The following STK32C variants were observed in gnomAD, a reference collection of about 807,000 sequenced individuals.
The protein encoded by STK32C is serine/threonine kinase 32C, also known as serine/threonine-protein kinase 32C.
STK32C carries 31 observed loss-of-function variants against 56.5 expected under a neutral mutation model. The ratio of observed to expected loss-of-function variants is 0.55; its 90% CI spans 0.41 to 0.74. The LOEUF (loss-of-function observed/expected upper bound fraction) is 0.74, where lower values mean the gene tolerates loss of function less well. Ranked by LOEUF, STK32C falls within the 30% of genes least tolerant of loss-of-function variation. STK32C has a pLI of 0.00. For synonymous variants in STK32C, 309 were observed against 289.4 expected (o/e 1.07, Z -0.69); for missense variants, 544 against 676.9 (o/e 0.80, Z 2.18).
chr10:132,211,996 C>T (rs1434155995), intron 10 of STK32C, among the ~76,000 whole-genome samples: 3 of 152,218 alleles, frequency 2.0e-5, no homozygotes, highest in Admixed American at 6.5e-5. Context: ...GACACAGCCT[C>T]GGACCCCAGA....
At chr10:132,294,344 C>G (rs1337452159) in intron 1 of STK32C, among the ~76,000 whole-genome samples, 1 of 152,138 alleles carries the variant, frequency 6.6e-6, no homozygotes, top group African/African-American at 2.4e-5. Context: ...AGCACAGCCA[C>G]AGGGAGGGGC....
At position 132,255,710 on chromosome 10, in the gene STK32C, G is replaced by C. The variant is rs2138026378; in HGVS notation, c.263-9755C>G. On this transcript the variant is annotated intron_variant, in intron 1 of 11. Coordinates refer to ENST00000298630, the MANE Select transcript of STK32C (RefSeq NM_173575.4). This position sits in a 1 kb window ranked among gnomAD's most constrained non-coding sequence, Gnocchi z 4.6. Reference sequence around the variant, plus strand: ...TGTGTTGAAACCCCAGGGCAGGAAGGTCAGAGATCAGGAGAGGGGATGAGG... The same window carrying C: ...TGTGTTGAAACCCCAGGGCAGGAAGCTCAGAGATCAGGAGAGGGGATGAGG... Among the ~76,000 whole-genome samples the C allele has an allele frequency of 6.6e-6, 1 of 152,304 alleles. No individual in the cohort carries two copies. The highest frequency in any genetic ancestry group is 1.9e-4 in the East Asian group (1 of 5,182).
chr10:132,208,141 T>A lies in STK32C; in HGVS notation c.1330A>T (p.Ser444Cys), dbSNP rs761647668. 32 of 1,310,304 alleles carry A rather than the reference T, an allele frequency of 2.4e-5. No individual in the cohort carries two copies. The highest frequency in any genetic ancestry group is 3.1e-5 in the Non-Finnish European group (32 of 1,021,208). The allele number at this position is 1,310,304 out of a possible 1,614,324, so 81.2% of individuals were successfully genotyped here. Residue 444 changes from serine (S) to cysteine (C), a missense_variant, in exon 12 of 12, where the codon AGC (serine) becomes TGC (cysteine). By Grantham distance (112) the Ser-to-Cys change is moderately radical. Around this residue, in one of 3 missense-constraint regions of STK32C, gnomAD observed 277 missense variants for 309.3 expected, o/e 0.90. Transcript: ENST00000298630. ...VIFNREKLKR[S>C]QDLPREPLPA... ...AGAGGCTCCCTCGGGAGGTCCTGGCTCCTCTTCAGCCTGGGGTGGCAGGAA... is the reference window on the plus strand; with the variant it reads ...AGAGGCTCCCTCGGGAGGTCCTGGCACCTCTTCAGCCTGGGGTGGCAGGAA...
intron 1 of STK32C, among the ~76,000 whole-genome samples, chr10:132,315,843 C>A (rs916127025): frequency 1.3e-5 from 2 of 152,112 alleles, no homozygotes; most frequent in African/African-American, 4.8e-5. Context: ...CAATAAATCT[C>A]AAAGGATTGA....
At chr10:132,331,838 G>T, upstream of STK32C, 1 of 1,495,500 alleles carries the variant, frequency 6.7e-7, no homozygotes, top group South Asian at 1.2e-5. Flanking sequence ...CCGCGGGCGC[G>T]GAAAAACGGA....
At chr10:132,245,999 G>T (rs1174858064) in intron 1 of STK32C, 44 bp from the exon 2 acceptor site, 1 of 1,589,968 alleles carries the variant, frequency 6.3e-7, no homozygotes, top group Admixed American at 1.7e-5. Context: ...TGGCAGCAAG[G>T]CCCCACCCCA....
intron 1 of STK32C, among the ~76,000 whole-genome samples, chr10:132,328,590 T>C (rs1303758181): frequency 6.6e-6 from 1 of 152,256 alleles, no homozygotes; most frequent in East Asian, 1.9e-4. Flanking sequence ...TTACCCATTT[T>C]GTTTCAGAGT....
At chr10:132,278,757 CAAAAAA>C (rs60685458) in intron 1 of STK32C, among the ~76,000 whole-genome samples, 6 of 90,408 alleles carry the variant, frequency 6.6e-5, no homozygotes, top group Non-Finnish European at 8.7e-5. Context: ...GAGACTGTCT[CAAAAAA>C]AAAAAAAAAA....
chr10:132,208,676 T>A (rs1219539360), intron 11 of STK32C, among the ~76,000 whole-genome samples: 1 of 152,012 alleles, frequency 6.6e-6, no homozygotes, highest in Non-Finnish European at 1.5e-5. Flanking sequence ...GCCCTTTCTG[T>A]CCCCTGGGGC....
Position 132,290,257 on chromosome 10 carries a change from C to T in STK32C, c.262+17315G>A, listed in dbSNP as rs149089299. ...CACAGCTTTGTGCAACACTCATGGTCAAAACGCCCAACCTCCATGTGCCCA... is the reference window on the plus strand; with the variant it reads ...CACAGCTTTGTGCAACACTCATGGTTAAAACGCCCAACCTCCATGTGCCCA... On this transcript the variant is annotated intron_variant, in intron 1 of 11. Coordinates refer to ENST00000298630, the MANE Select transcript of STK32C (RefSeq NM_173575.4). Among the ~76,000 whole-genome samples the T allele has an allele frequency of 4.6e-3, 708 of 152,314 alleles. 8 individuals carry two copies. The highest frequency in any genetic ancestry group is 0.016 in the African/African-American group (676 of 41,546).
intron 3 of STK32C, among the ~76,000 whole-genome samples, chr10:132,227,439 G>T (rs1227613973): frequency 6.6e-6 from 1 of 152,122 alleles, no homozygotes; most frequent in African/African-American, 2.4e-5. Flanking sequence ...GGTGGTGACG[G>T]TGATGGTGAG....
Position 132,307,891 on chromosome 10 carries a change from C to T in STK32C, c.-58G>A. 1 of 1,130,498 alleles carries T rather than the reference C, an allele frequency of 8.8e-7. No homozygotes were observed. The highest frequency in any genetic ancestry group is 1.1e-6 in the Non-Finnish European group (1 of 918,054). The allele number at this position is 1,130,498 out of a possible 1,614,324, so 70.0% of individuals were successfully genotyped here. A position where few individuals can be genotyped will look rare whatever the true frequency, so the allele number is the denominator to read the frequency against. On this transcript the variant is annotated 5_prime_UTR_variant, in exon 1 of 12. Transcript: ENST00000298630. This position sits in a 1 kb window ranked among gnomAD's most constrained non-coding sequence, Gnocchi z 4.4. ...TCGGGGCATGGCCGGCCGGCAGGGC[C>T]GGGAGCGGCAGTGGTAGCGGGAGCG...
upstream of STK32C, chr10:132,331,895 C>A (rs1173880077): frequency 2.1e-6 from 2 of 952,472 alleles, no homozygotes; most frequent in African/African-American, 1.9e-5. Flanking sequence ...CCCCCTGCCA[C>A]CCCCGCGCAG....
chr10:132,220,513 C>G (rs910416813), intron 10 of STK32C, among the ~76,000 whole-genome samples: 1 of 152,204 alleles, frequency 6.6e-6, no homozygotes. Flanking sequence ...GGGAACACCA[C>G]GTCCTCACAT....
intron 1 of STK32C, among the ~76,000 whole-genome samples, chr10:132,267,984 T>C (rs1590332886): frequency 2.5e-5 from 1 of 39,350 alleles, no homozygotes; most frequent in Non-Finnish European, 5.1e-5. Flanking sequence ...TCCCACATCG[T>C]GTGTGTGTGT....
intron 1 of STK32C, among the ~76,000 whole-genome samples, chr10:132,250,385 G>A (rs2063857512): frequency 4.2e-5 from 3 of 71,674 alleles, no homozygotes; most frequent in Non-Finnish European, 2.8e-5. Flanking sequence ...TGTGTGAGGC[G>A]CACGGGACAG....
At chr10:132,275,821 A>G (rs1453243962) in intron 1 of STK32C, among the ~76,000 whole-genome samples, 3 of 152,160 alleles carry the variant, frequency 2.0e-5, no homozygotes, top group African/African-American at 4.8e-5. Flanking sequence ...CAGCAGCTCC[A>G]TGTTCTTCCT....
chr10:132,329,515 CTG>C (rs2066591202), intron 1 of STK32C, among the ~76,000 whole-genome samples: 1 of 152,108 alleles, frequency 6.6e-6, no homozygotes, highest in Non-Finnish European at 1.5e-5. Context: ...AAAACAAAAA[CTG>C]GAAGAAATTA....
chr10:132,302,461 G>T (rs944600406), intron 1 of STK32C, among the ~76,000 whole-genome samples: 2 of 152,188 alleles, frequency 1.3e-5, no homozygotes, highest in African/African-American at 4.8e-5. Flanking sequence ...CAGGACACCC[G>T]GTGCTGGGCC....
Sources: allele counts gnomAD v4.1 joint callset (sites outside exome capture counted in the v4.1 genomes callset), GRCh38; gene constraint gnomAD v4.1.1; regional missense constraint gnomAD v4.1.1; non-coding constraint Gnocchi (gnomAD v3.1); transcripts MANE v1.5; gene names NCBI Gene and HGNC (gene_info 2026-07-23, HGNC 2026-07-21).